RRAGB: variants seen among roughly 807,000 people sequenced by gnomAD.
RRAGB encodes ras-related GTP-binding protein B.
In RRAGB, 6 loss-of-function variants were observed where a neutral mutation model predicts 29.3. The ratio of observed to expected loss-of-function variants is 0.21; its 90% CI spans 0.11 to 0.40. The LOEUF is 0.40. Ranked by LOEUF, RRAGB falls within the 10% of genes least tolerant of loss-of-function variation. RRAGB has a pLI of 1.00. For missense variants in RRAGB, 184 were observed against 272.9 expected, an observed-to-expected ratio of 0.67 and a Z score of 2.29; for synonymous variants, 101 against 92.5, an observed-to-expected ratio of 1.09 and a Z score of -0.53.
intron 6 of RRAGB, among the ~76,000 whole-genome samples, chrX:55,753,023 G>A (rs1031498427): frequency 1.8e-5 from 2 of 112,059 alleles, no homozygotes; most frequent in African/African-American, 6.5e-5. Context: ...AATCTACACT[G>A]TTGGACTTAA....
chrX:55,744,722 C>T (rs2034190632), intron 5 of RRAGB, among the ~76,000 whole-genome samples: 1 of 112,447 alleles, frequency 8.9e-6, no homozygotes, highest in African/African-American at 3.2e-5. Context: ...GCATGTGCTG[C>T]AGTTCACATA....
chrX:55,722,395 A>G, intron 3 of RRAGB, 110 bp downstream of exon 3: 1 of 456,452 alleles, frequency 2.2e-6, no homozygotes, highest in Non-Finnish European at 3.8e-6. Flanking sequence ...GGAATTTGTT[A>G]TGGAGCATGT....
intron 3 of RRAGB, chrX:55,727,519 C>T: frequency 2.5e-6 from 1 of 402,227 alleles, no homozygotes; most frequent in Non-Finnish European, 4.4e-6. Context: ...CCTGTGAGGT[C>T]AGTGCTATGC....
At chrX:55,744,387 CAA>C (rs56294534) in intron 5 of RRAGB, among the ~76,000 whole-genome samples, 3 of 35,753 alleles carry the variant, frequency 8.4e-5, no homozygotes, top group Admixed American at 5.8e-4. Flanking sequence ...CAGAGTGAGC[CAA>C]AAAAAAAAAA....
chrX:55,743,609 C>T (rs1327481755), intron 5 of RRAGB, among the ~76,000 whole-genome samples: 1 of 112,734 alleles, frequency 8.9e-6, no homozygotes, highest in African/African-American at 3.2e-5. Context: ...TTATTAAAAT[C>T]CTCTTCTGCT....
intron 3 of RRAGB, among the ~76,000 whole-genome samples, chrX:55,728,193 G>T (rs1454949725): frequency 3.6e-5 from 4 of 111,524 alleles, no homozygotes; most frequent in Non-Finnish European, 3.8e-5. Context: ...GCATGTAAAA[G>T]TTTTCATAAA....
intron 7 of RRAGB, 85 bp downstream of exon 7, chrX:55,753,599 G>A: frequency 1.1e-6 from 1 of 938,078 alleles, no homozygotes; most frequent in Non-Finnish European, 1.5e-6. Flanking sequence ...ACTACTTTCA[G>A]GAAGAACCTT....
At chrX:55,748,944 C>G (rs1197075697) in intron 5 of RRAGB, among the ~76,000 whole-genome samples, 1 of 96,997 alleles carries the variant, frequency 1.0e-5, no homozygotes, top group Non-Finnish European at 2.1e-5. Flanking sequence ...CCAGCTGCCC[C>G]GTCCGGGAGG....
chrX:55,719,287 A>T, intron 1 of RRAGB, 27 bp from the exon 2 acceptor site: 1 of 1,167,786 alleles, frequency 8.6e-7, no homozygotes. Context: ...TGGATCATGG[A>T]AACTGTTTTT....
At chrX:55,740,667 A>G (rs1348617500) in intron 5 of RRAGB, among the ~76,000 whole-genome samples, 1 of 111,680 alleles carries the variant, frequency 9.0e-6, no homozygotes, top group Non-Finnish European at 1.9e-5. Context: ...TGGTTGTGCA[A>G]TGTGCGGTCG....
In RRAGB at chrX:55,720,060, G is replaced by A. The variant is rs1221704756; in HGVS notation, c.126+713G>A. ...CTTGGTAAGTCTTTCATAGGCAATTGAAAGAGGTACACTGTATAAATTAAT... is the reference window on the plus strand; with the variant it reads ...CTTGGTAAGTCTTTCATAGGCAATTAAAAGAGGTACACTGTATAAATTAAT... On this transcript the variant is annotated intron_variant, in intron 2 of 9. Coordinates refer to ENST00000374941, the MANE Select transcript of RRAGB (RefSeq NM_006064.5). Among the ~76,000 whole-genome samples the A allele has an allele frequency of 1.2e-4, 13 of 112,286 alleles. 1 individual carries two copies. Among genetic ancestry groups the A allele is most frequent in the Non-Finnish European group, 2.4e-4 (13 of 53,288 alleles).
intron 4 of RRAGB, 50 bp downstream of exon 4, chrX:55,729,410 G>A (rs2033594895): frequency 7.4e-6 from 6 of 810,488 alleles, no homozygotes; most frequent in Non-Finnish European, 9.3e-6. Context: ...AGTAATCGTG[G>A]CATCTAGTAT....
intron 5 of RRAGB, among the ~76,000 whole-genome samples, chrX:55,737,984 G>A (rs953484728): frequency 8.9e-6 from 1 of 112,401 alleles, no homozygotes; most frequent in African/African-American, 3.2e-5. Context: ...ACTTGTGCTC[G>A]TGAGTGCAAA....
At chrX:55,755,757 A>G (rs1334892801) in intron 7 of RRAGB, 84 bp from the exon 8 acceptor site, 1 of 1,128,701 alleles carries the variant, frequency 8.9e-7, no homozygotes, top group African/African-American at 1.8e-5. Flanking sequence ...TGACCAAGGG[A>G]CTGACAAATG....
chrX:55,735,795 C>T (rs1479932450), intron 5 of RRAGB, among the ~76,000 whole-genome samples: 1 of 112,335 alleles, frequency 8.9e-6, no homozygotes, highest in Non-Finnish European at 1.9e-5. Flanking sequence ...TCTTATAGGT[C>T]TGGTCTGGTG....
intron 9 of RRAGB, among the ~76,000 whole-genome samples, chrX:55,757,977 A>C (rs1179646496): frequency 5.3e-5 from 6 of 112,209 alleles, no homozygotes; most frequent in Admixed American, 1.9e-4. Flanking sequence ...GGTTAATATT[A>C]AAATATAACA....
In RRAGB at chrX:55,755,904, A is replaced by G; in HGVS notation, c.799A>G (p.Ile267Val). Residue 267 changes from isoleucine to valine, a missense_variant, in exon 8 of 10, where the codon ATT becomes GTT. Ile to Val is a conservative substitution (Grantham distance 29, BLOSUM62 3). Coordinates refer to ENST00000374941, the MANE Select transcript of RRAGB (RefSeq NM_006064.5). ...CCATAGATTTGAGAAAATAAGCAAC[A>G]TTATTAAGCAGTTCAAGCTGAGCTG... is the stretch of plus-strand genomic sequence containing the variant. ...DAHRFEKISN[I>V]IKQFKLSCSK... 1 of 1,204,136 alleles carries G rather than the reference A, an allele frequency of 8.3e-7. No homozygotes were observed. Among genetic ancestry groups the G allele is most frequent in the South Asian group, 1.8e-5 (1 of 56,692 alleles).
At chrX:55,731,308 A>G (rs1206340146) in intron 4 of RRAGB, 56 bp from the exon 5 acceptor site, 1 of 899,804 alleles carries the variant, frequency 1.1e-6, no homozygotes, top group African/African-American at 2.0e-5. Context: ...AATAGGCTAT[A>G]AGTAGGAGTG....
At chrX:55,736,069 C>G (rs1049029118) in intron 5 of RRAGB, among the ~76,000 whole-genome samples, 2 of 112,073 alleles carry the variant, frequency 1.8e-5, no homozygotes, top group Non-Finnish European at 3.8e-5. Context: ...TTTAGATAGC[C>G]TGATGACTTG....
Sources: gnomAD v4.1 joint callset for allele counts (sites outside exome capture counted in the v4.1 genomes callset) on GRCh38, gnomAD v4.1.1 for gene constraint, MANE v1.5 for transcripts, NCBI Gene and HGNC (gene_info 2026-07-23, HGNC 2026-07-21) for gene names.